Variants in BNC2 observed in about 807,000 individuals in gnomAD.
BNC2 encodes zinc finger protein basonuclin-2.
A neutral mutation model predicts 76.3 loss-of-function variants in BNC2; 20 were observed. The observed-to-expected ratio is 0.26, with a 90% CI of 0.18 to 0.38. BNC2 has a LOEUF of 0.38. Among genes scored for constraint, BNC2 ranks in the 10% least tolerant of loss-of-function variants. The probability of loss-of-function intolerance (pLI) is 1.00; values close to 1 mark genes in which losing one functional copy is unlikely to be tolerated. For synonymous variants in BNC2, 582 were observed against 514.8 expected (o/e 1.13, Z -1.77); for missense variants, 1,382 against 1,399.8 (o/e 0.99, Z 0.20).
Position 16,436,363 on chromosome 9 carries a change from G to A in BNC2, c.1831C>T (p.Pro611Ser). Residue 611 changes from proline (P) to serine (S), a missense_variant, in exon 6 of 7, where the codon CCA becomes TCA. Pro to Ser is a moderately conservative substitution (Grantham distance 74, BLOSUM62 -1). Transcript: ENST00000380672. ...IEQHPPPPSE[P>S]VVPAVMMATH... ...GCCATCATCACTGCTGGCACTACTG[G>A]CTCAGAGGGTGGCGGGGGGTGCTGC... 6.2e-7 allele frequency: 1 copy of A among 1,614,118 alleles called. No homozygotes were observed. The highest frequency in any genetic ancestry group is 1.1e-5 in the South Asian group (1 of 91,080).
chr9:16,615,957 GGAA>G (rs1457764545), intron 3 of BNC2, among the ~76,000 whole-genome samples: 4 of 152,128 alleles, frequency 2.6e-5, no homozygotes, highest in Admixed American at 1.3e-4. Context: ...GCTGGTCAAT[GGAA>G]AAAGTGGAAT....
At chr9:16,430,823 C>T (rs1820894624) in intron 6 of BNC2, among the ~76,000 whole-genome samples, 1 of 152,232 alleles carries the variant, frequency 6.6e-6, no homozygotes, top group African/African-American at 2.4e-5. Context: ...GAATACAGAA[C>T]TTTCCACATT....
At chr9:16,447,584 C>T (rs1429444731) in intron 5 of BNC2, among the ~76,000 whole-genome samples, 1 of 152,058 alleles carries the variant, frequency 6.6e-6, no homozygotes, top group African/African-American at 2.4e-5. Context: ...CCTGATGTTT[C>T]TGTCTGGTGC....
At chr9:16,464,744 T>C (rs1821667729) in intron 5 of BNC2, among the ~76,000 whole-genome samples, 7 of 152,118 alleles carry the variant, frequency 4.6e-5, no homozygotes, top group Admixed American at 4.6e-4. Context: ...TTAGCAGAGA[T>C]GGTAACTATA....
At chr9:16,728,082 A>T in intron 2 of BNC2, 85 bp from the exon 3 acceptor site, 151 of 680,696 alleles carry the variant, frequency 2.2e-4, no homozygotes, top group Non-Finnish European at 2.6e-4. Flanking sequence ...TGAACTGTGC[A>T]TTTCATTTGG....
chr9:16,434,774 G>T, intron 6 of BNC2: 1 of 453,224 alleles, frequency 2.2e-6, no homozygotes, highest in South Asian at 1.6e-5. Flanking sequence ...TCATCTGAAG[G>T]CTGGACATAA....
chr9:16,428,954 T>A (rs997313543), intron 6 of BNC2, among the ~76,000 whole-genome samples: 2 of 152,200 alleles, frequency 1.3e-5, no homozygotes, highest in Non-Finnish European at 2.9e-5. Flanking sequence ...TAAAAAGTAT[T>A]CTTTCTTCCT....
intron 5 of BNC2, among the ~76,000 whole-genome samples, chr9:16,458,839 C>CACTCA (rs1310124418): frequency 9.8e-5 from 15 of 152,364 alleles, no homozygotes; most frequent in African/African-American, 2.6e-4. Flanking sequence ...ATTACTCCAT[C>CACTCA]ACTCAGTGCA....
intron 5 of BNC2, among the ~76,000 whole-genome samples, chr9:16,522,220 G>C (rs1331294402): frequency 6.6e-6 from 1 of 152,228 alleles, no homozygotes; most frequent in African/African-American, 2.4e-5. Context: ...CCTAGTCTGA[G>C]TCAGGAAAAC....
intron 1 of BNC2, among the ~76,000 whole-genome samples, chr9:16,764,187 C>A (rs1825628983): frequency 6.6e-6 from 1 of 152,138 alleles, no homozygotes; most frequent in African/African-American, 2.4e-5. Context: ...CCAGTAATTG[C>A]TTCCATACAA....
In BNC2 at chr9:16,818,173, G is replaced by A. The variant is rs184188694; in HGVS notation, c.3+52473C>T. The stretch of plus-strand genomic sequence containing the variant: ...TAATCCCAGCACTTTGGGAGGCGGA[G>A]GTGGGCAGATCACGAGGTCAGGAAA... On this transcript the variant is annotated intron_variant, in intron 1 of 6. Coordinates refer to ENST00000380672, the MANE Select transcript of BNC2 (RefSeq NM_017637.6). Among the ~76,000 whole-genome samples, 812 of 152,284 alleles carry A rather than the reference G, an allele frequency of 5.3e-3. 6 individuals are homozygous for A. The highest frequency in any genetic ancestry group is 6.8e-3 in the Middle Eastern group (2 of 294).
At chr9:16,451,852 G>A (rs572370329) in intron 5 of BNC2, among the ~76,000 whole-genome samples, 3 of 152,278 alleles carry the variant, frequency 2.0e-5, no homozygotes, top group Admixed American at 2.0e-4. Flanking sequence ...CCACTGCCAA[G>A]AAGACTCAAT....
At chr9:16,838,113 C>T (rs780641825) in intron 1 of BNC2, among the ~76,000 whole-genome samples, 1 of 152,178 alleles carries the variant, frequency 6.6e-6, no homozygotes, top group Non-Finnish European at 1.5e-5. Context: ...GTATTTAGGT[C>T]TACTTAAATA....
At chr9:16,456,074 C>G (rs1188801769) in intron 5 of BNC2, among the ~76,000 whole-genome samples, 1 of 152,018 alleles carries the variant, frequency 6.6e-6, no homozygotes, top group African/African-American at 2.4e-5. Context: ...TCTTACTCAT[C>G]ATATCTATTA....
At chr9:16,759,064 G>T (rs1178839353) in intron 1 of BNC2, among the ~76,000 whole-genome samples, 1 of 152,060 alleles carries the variant, frequency 6.6e-6, no homozygotes, top group African/African-American at 2.4e-5. Context: ...TTTAAAGTAG[G>T]TTATAACACT....
At chr9:16,617,379 A>G (rs1283608693) in intron 3 of BNC2, among the ~76,000 whole-genome samples, 2 of 152,204 alleles carry the variant, frequency 1.3e-5, no homozygotes, top group Non-Finnish European at 2.9e-5. Flanking sequence ...TGTATCACCC[A>G]AAGAAAACAA....
chr9:16,635,997 A>G (rs2133797711), intron 3 of BNC2, among the ~76,000 whole-genome samples: 1 of 152,314 alleles, frequency 6.6e-6, no homozygotes, highest in South Asian at 2.1e-4. Flanking sequence ...TGTTTTATTA[A>G]TATTCAGAAA....
At chr9:16,561,846 A>T (rs1819026390) in intron 4 of BNC2, among the ~76,000 whole-genome samples, 1 of 152,018 alleles carries the variant, frequency 6.6e-6, no homozygotes, top group South Asian at 2.1e-4. Flanking sequence ...TCTACAAAAA[A>T]TACAAAAATT....
intron 6 of BNC2, among the ~76,000 whole-genome samples, chr9:16,423,535 C>A (rs114260624): frequency 6.6e-6 from 1 of 152,114 alleles, no homozygotes; most frequent in Non-Finnish European, 1.5e-5. Flanking sequence ...GTGTCCTGCA[C>A]GTAAAGTAGA....
Sources: gnomAD v4.1 joint callset for allele counts (sites outside exome capture counted in the v4.1 genomes callset) on GRCh38, gnomAD v4.1.1 for gene constraint, MANE v1.5 for transcripts, NCBI Gene and HGNC (gene_info 2026-07-23, HGNC 2026-07-21) for gene names.